Variants in NRG2 observed in about 807,000 individuals in gnomAD.
The protein encoded by NRG2 is pro-neuregulin-2, membrane-bound isoform.
NRG2 carries 27 observed loss-of-function variants against 73.9 expected under a neutral mutation model. The observed-to-expected ratio is 0.37, with a 90% CI of 0.27 to 0.50. The LOEUF (loss-of-function observed/expected upper bound fraction) is 0.50. Ranked by LOEUF, NRG2 falls within the 20% of genes least tolerant of loss-of-function variation. The pLI, the probability that NRG2 is intolerant of heterozygous loss-of-function variation, is 0.96. For synonymous variants in NRG2, 532 were observed against 541.0 expected (o/e 0.98, Z 0.23); for missense variants, 1,126 against 1,210.1 (o/e 0.93, Z 1.03).
At chr5:139,855,021 C>T (rs2127010163) in intron 6 of NRG2, among the ~76,000 whole-genome samples, 1 of 152,298 alleles carries the variant, frequency 6.6e-6, no homozygotes, top group South Asian at 2.1e-4. Context: ...CTCATCTGTG[C>T]TGTCTTTTAG....
At position 140,043,220 on chromosome 5, in the gene NRG2, G is replaced by T; in HGVS notation, c.-151C>A. ...GGAGGTGGCCCAGCTAGGGCAGGGG[G>T]CAGGCGGCAAGCGGGCCGCGATGCG... On this transcript the variant is annotated 5_prime_UTR_variant, in exon 1 of 10. Coordinates refer to ENST00000361474, the MANE Select transcript of NRG2 (RefSeq NM_004883.3). The surrounding 1 kb of genome is among the most constrained non-coding windows in gnomAD (Gnocchi z 6.7). 2.4e-6 allele frequency: 2 copies of T among 831,386 alleles called. No individual in the cohort carries two copies. The highest frequency in any genetic ancestry group is 3.5e-6 in the Non-Finnish European group (2 of 563,854). The allele number at this position is 831,386 out of a possible 1,614,324, so 51.5% of individuals were successfully genotyped here. A position where few individuals can be genotyped will look rare whatever the true frequency, so the allele number is the denominator to read the frequency against.
At chr5:139,858,439 A>G (rs932099672) in intron 5 of NRG2, among the ~76,000 whole-genome samples, 1 of 152,004 alleles carries the variant, frequency 6.6e-6, no homozygotes, top group African/African-American at 2.4e-5. Flanking sequence ...GCACTATCCC[A>G]TTACCTCATT....
At chr5:139,859,145 C>T (rs1415323997) in intron 5 of NRG2, among the ~76,000 whole-genome samples, 3 of 152,116 alleles carry the variant, frequency 2.0e-5, no homozygotes, top group Non-Finnish European at 4.4e-5. Flanking sequence ...CCATAAAGTC[C>T]CTTCTAGCCC....
At chr5:140,031,748 G>A (rs564894408) in intron 1 of NRG2, among the ~76,000 whole-genome samples, 1 of 152,276 alleles carries the variant, frequency 6.6e-6, no homozygotes, top group African/African-American at 2.4e-5. Flanking sequence ...GTGCGGCAAG[G>A]TGCTGTATTA....
rs1761395638 is a variant in NRG2, at chr5:139,851,243, C to T, written c.1772+361G>A. On this transcript the variant is annotated intron_variant, in intron 9 of 9. Coordinates refer to ENST00000361474, the MANE Select transcript of NRG2 (RefSeq NM_004883.3). This position sits in a 1 kb window ranked among gnomAD's most constrained non-coding sequence, Gnocchi z 4.2. ...CCTCAGGTGATCCATCCGCCTTGGCCTCCCAAGTGCTGGGATTACAGGTGT... is the reference window on the plus strand; with the variant it reads ...CCTCAGGTGATCCATCCGCCTTGGCTTCCCAAGTGCTGGGATTACAGGTGT... Among the ~76,000 whole-genome samples the T allele has an allele frequency of 6.6e-6, 1 of 152,210 alleles. No homozygotes were observed. Among genetic ancestry groups the T allele is most frequent in the Admixed American group, 6.5e-5 (1 of 15,288 alleles).
intron 1 of NRG2, among the ~76,000 whole-genome samples, chr5:140,003,440 T>A (rs761893702): frequency 7.9e-5 from 12 of 152,172 alleles, no homozygotes; most frequent in Admixed American, 2.0e-4. Flanking sequence ...GTAGGAGGAT[T>A]AGAGTCAGAG....
intron 1 of NRG2, among the ~76,000 whole-genome samples, chr5:140,004,254 A>C (rs1238535170): frequency 6.6e-6 from 1 of 152,242 alleles, no homozygotes; most frequent in African/African-American, 2.4e-5. Flanking sequence ...CTACCAATAC[A>C]GTATTCTACA....
rs966279202 is a variant in NRG2 at position 139,852,880 on chromosome 5, G to T, written c.1416+24C>A. On this transcript the variant is annotated intron_variant, in intron 7 of 9. Transcript: ENST00000361474. This position sits in a 1 kb window ranked among gnomAD's most constrained non-coding sequence, Gnocchi z 4.4. ...CTGGCTGTCCACTGAGGGCTCAGAAGGGGGCCCCAGGAAAGCCACTCACAT... is the reference window on the plus strand; with the variant it reads ...CTGGCTGTCCACTGAGGGCTCAGAATGGGGCCCCAGGAAAGCCACTCACAT... 6.2e-7 allele frequency: 1 copy of T among 1,612,950 alleles called. No individual in the cohort carries two copies. The highest frequency in any genetic ancestry group is 1.1e-5 in the South Asian group (1 of 90,918).
rs965524401 is a variant in NRG2 at position 139,847,776 on chromosome 5, A to C, written c.*141T>G. The C allele has an allele frequency of 1.7e-4, 107 of 633,266 alleles. No homozygotes were observed. The highest frequency in any genetic ancestry group is 2.0e-4 in the Non-Finnish European group (86 of 437,752). The allele number at this position is 633,266 out of a possible 1,614,324, so 39.2% of individuals were successfully genotyped here. On this transcript the variant is annotated 3_prime_UTR_variant, in exon 10 of 10. Transcript: ENST00000361474. ...GACAATTTTTGCTAAAATGAAAATA[A>C]AACATTTTGTTATACTTTTTTCCTT...
At chr5:139,923,278 T>A (rs544247144) in intron 1 of NRG2, among the ~76,000 whole-genome samples, 10 of 152,154 alleles carry the variant, frequency 6.6e-5, no homozygotes, top group Non-Finnish European at 1.3e-4. Context: ...AAAAAGTACA[T>A]CAATTAAAAA....
At chr5:139,900,182 A>G (rs991683114) in intron 1 of NRG2, among the ~76,000 whole-genome samples, 1 of 152,168 alleles carries the variant, frequency 6.6e-6, no homozygotes, top group African/African-American at 2.4e-5. Flanking sequence ...AGAACAAATC[A>G]TTCCTCTCCT....
chr5:139,981,635 A>G (rs1429277220), intron 1 of NRG2, among the ~76,000 whole-genome samples: 2 of 152,220 alleles, frequency 1.3e-5, no homozygotes, highest in African/African-American at 4.8e-5. Flanking sequence ...ATCAGGGGAC[A>G]GGTCCCAGAA....
chr5:139,893,278 G>A (rs766875035), intron 1 of NRG2, among the ~76,000 whole-genome samples: 18 of 152,102 alleles, frequency 1.2e-4, no homozygotes, highest in Non-Finnish European at 2.4e-4. Context: ...TGTCTCCAAC[G>A]TTCTGCTAAT....
intron 1 of NRG2, among the ~76,000 whole-genome samples, chr5:139,931,551 T>C (rs1752470836): frequency 6.6e-6 from 1 of 152,154 alleles, no homozygotes; most frequent in South Asian, 2.1e-4. Flanking sequence ...TACAACCAAG[T>C]TAATTTTGAA....
chr5:139,969,828 G>C (rs1022175547), intron 1 of NRG2, among the ~76,000 whole-genome samples: 3 of 152,200 alleles, frequency 2.0e-5, no homozygotes, highest in African/African-American at 7.2e-5. Flanking sequence ...AACACTATGT[G>C]CCTTTCCCGT....
chr5:139,973,975 T>G (rs1247136674), intron 1 of NRG2, among the ~76,000 whole-genome samples: 1 of 151,214 alleles, frequency 6.6e-6, no homozygotes, highest in East Asian at 1.9e-4. Context: ...GTAGTGAGAT[T>G]ATGAGTGTTC....
In NRG2 at chr5:139,856,973, G is replaced by A. The variant is rs1437822122; in HGVS notation, c.1190-1195C>T. Among the ~76,000 whole-genome samples the A allele has an allele frequency of 6.6e-6, 1 of 152,040 alleles. No homozygotes were observed. Among genetic ancestry groups the A allele is most frequent in the South Asian group, 2.1e-4 (1 of 4,808 alleles). On this transcript the variant is annotated intron_variant, in intron 5 of 9. Transcript: ENST00000361474. This position sits in a 1 kb window ranked among gnomAD's most constrained non-coding sequence, Gnocchi z 4.2. ...CCACAGCCCTGGCTCCAGCTCTCAC[G>A]CCCCCTTCACATGCCTCATCCAGTT...
At chr5:139,949,524 C>T (rs1439343366) in intron 1 of NRG2, among the ~76,000 whole-genome samples, 1 of 152,038 alleles carries the variant, frequency 6.6e-6, no homozygotes, top group Non-Finnish European at 1.5e-5. Context: ...ACACCCACTA[C>T]CTGAAGATAA....
intron 1 of NRG2, among the ~76,000 whole-genome samples, chr5:139,931,328 A>G (rs1311144469): frequency 6.6e-6 from 1 of 152,232 alleles, no homozygotes; most frequent in Admixed American, 6.5e-5. Flanking sequence ...GCACTGGATT[A>G]TGGGATATAA....
Sources: allele counts gnomAD v4.1 joint callset (sites outside exome capture counted in the v4.1 genomes callset), GRCh38; gene constraint gnomAD v4.1.1; non-coding constraint Gnocchi (gnomAD v3.1); transcripts MANE v1.5; gene names NCBI Gene and HGNC (gene_info 2026-07-23, HGNC 2026-07-21).